The following SMYD3 variants were observed in gnomAD, a reference collection of about 807,000 sequenced individuals.
SMYD3 encodes SET and MYND domain containing 3.
A neutral mutation model predicts 57.7 loss-of-function variants in SMYD3; 36 were observed. That is an observed-to-expected ratio of 0.62 (90% CI 0.48 to 0.82). The LOEUF (loss-of-function observed/expected upper bound fraction) is 0.82, where lower values mean the gene tolerates loss of function less well. Ranked by LOEUF, SMYD3 falls within the 40% of genes least tolerant of loss-of-function variation. The pLI is 0.00. For synonymous variants in SMYD3, 211 were observed against 195.0 expected, an observed-to-expected ratio of 1.08 and a Z score of -0.68; for missense variants, 515 against 538.8, an observed-to-expected ratio of 0.96 and a Z score of 0.44.
Position 246,296,280 on chromosome 1 carries a change from T to C in SMYD3, c.531+30921A>G, listed in dbSNP as rs547430128. ...CTTGTTTCTACAACGATTCAAGAAA[T>C]GGTAACACTTGCCCCCACAACTTTA... On this transcript the variant is annotated intron_variant, in intron 5 of 11. Coordinates refer to ENST00000490107, the MANE Select transcript of SMYD3 (RefSeq NM_001167740.2). 2.8e-4 allele frequency among the ~76,000 whole-genome samples: 42 copies of C among 152,294 alleles called. 1 individual carries two copies. The highest frequency in any genetic ancestry group is 1.0e-3 in the African/African-American group (42 of 41,556).
At chr1:245,793,105 C>G (rs11583273) in intron 10 of SMYD3, among the ~76,000 whole-genome samples, 44,584 of 138,566 alleles carry the variant, frequency 0.32, 8,272 homozygotes, top group Middle Eastern at 0.48. Flanking sequence ...ATCAGGAGAT[C>G]AAGACCATCC....
At chr1:246,119,413 C>A (rs866015134) in intron 5 of SMYD3, among the ~76,000 whole-genome samples, 6 of 130,214 alleles carry the variant, frequency 4.6e-5, no homozygotes, top group Admixed American at 7.6e-5. Flanking sequence ...TTTGTTCTTT[C>A]TTTTTTTTTT....
At chr1:246,042,498 T>C (rs529710517) in intron 5 of SMYD3, among the ~76,000 whole-genome samples, 42 of 152,300 alleles carry the variant, frequency 2.8e-4, no homozygotes, top group African/African-American at 8.9e-4. Context: ...GTGGCACCGG[T>C]CTGCTCTTTG....
intron 8 of SMYD3, among the ~76,000 whole-genome samples, chr1:245,908,995 AACAAT>A (rs1267149494): frequency 1.3e-5 from 2 of 152,316 alleles, no homozygotes; most frequent in African/African-American, 4.8e-5. Context: ...GAGATTAAAG[AACAAT>A]ACAATACAAA....
chr1:246,153,093 T>G (rs989164553), intron 5 of SMYD3, among the ~76,000 whole-genome samples: 17 of 152,098 alleles, frequency 1.1e-4, no homozygotes, highest in Non-Finnish European at 2.2e-4. Context: ...CTCTCAAATT[T>G]CCAACTGTCT....
intron 5 of SMYD3, among the ~76,000 whole-genome samples, chr1:246,123,571 AACACACACAC>A (rs557543331): frequency 0.058 from 7,564 of 129,540 alleles, 239 homozygotes; most frequent in Non-Finnish European, 0.071. Flanking sequence ...TCCATCTCAA[AACACACACAC>A]ACACACACAC....
intron 1 of SMYD3, among the ~76,000 whole-genome samples, chr1:246,450,139 T>C (rs2103028281): frequency 6.6e-6 from 1 of 152,168 alleles, no homozygotes; most frequent in South Asian, 2.1e-4. Flanking sequence ...AATACAAAAT[T>C]AGCCGGGCGT....
Position 246,435,879 on chromosome 1 carries a change from T to C in SMYD3, c.164+71175A>G, listed in dbSNP as rs1385368480. On this transcript the variant is annotated intron_variant, in intron 1 of 11. Coordinates refer to ENST00000490107, the MANE Select transcript of SMYD3 (RefSeq NM_001167740.2). ...TTAATTAGAATGTCCCACGTGGCAT[T>C]TGAATTTCCCTCTATTAGAGTTTTT... is the stretch of plus-strand genomic sequence containing the variant. Among the ~76,000 whole-genome samples, 6 of 150,558 alleles carry C rather than the reference T, an allele frequency of 4.0e-5. No individual in the cohort carries two copies. In the South Asian group the frequency reaches 8.7e-4, roughly 22 times the overall value.
intron 10 of SMYD3, among the ~76,000 whole-genome samples, chr1:245,821,084 T>G (rs12078986): frequency 0.89 from 133,047 of 149,284 alleles, 61,350 homozygotes; most frequent in East Asian, 1. Flanking sequence ...AGCCTGCATC[T>G]CCAAGTCAAT....
At chr1:246,124,407 G>T (rs2061474126) in intron 5 of SMYD3, among the ~76,000 whole-genome samples, 3 of 152,014 alleles carry the variant, frequency 2.0e-5, no homozygotes, top group Non-Finnish European at 2.9e-5. Flanking sequence ...AGCTGTACGA[G>T]TTTTTTTTAA....
At chr1:246,180,940 A>G (rs2062541162) in intron 5 of SMYD3, among the ~76,000 whole-genome samples, 2 of 152,094 alleles carry the variant, frequency 1.3e-5, no homozygotes, top group African/African-American at 4.8e-5. Flanking sequence ...CGTGCTTTAA[A>G]AGCAACAAAA....
At chr1:246,232,177 T>A (rs559256447) in intron 5 of SMYD3, among the ~76,000 whole-genome samples, 1 of 150,278 alleles carries the variant, frequency 6.7e-6, no homozygotes, top group Non-Finnish European at 1.5e-5. Flanking sequence ...TGAAGCTTAC[T>A]CAGTGGTTAG....
chr1:245,974,437 A>C, intron 5 of SMYD3, among the ~76,000 whole-genome samples: 1 of 151,786 alleles, frequency 6.6e-6, no homozygotes, highest in Admixed American at 6.6e-5. Context: ...CATTTTTCCC[A>C]TCTCCTACAT....
chr1:246,222,116 A>G (rs1195429271), intron 5 of SMYD3, among the ~76,000 whole-genome samples: 2 of 152,178 alleles, frequency 1.3e-5, no homozygotes, highest in Non-Finnish European at 2.9e-5. Context: ...CAACCCAAAC[A>G]TAACTACAAG....
At position 246,212,622 on chromosome 1, in the gene SMYD3, T is replaced by C. The variant is rs142724603; in HGVS notation, c.531+114579A>G. On this transcript the variant is annotated intron_variant, in intron 5 of 11. Transcript: ENST00000490107. ...CAACAAATAAAATCTATCAGTCTCATTTGACTTCCTATTAACCGATCTGTT... is the reference window on the plus strand; with the variant it reads ...CAACAAATAAAATCTATCAGTCTCACTTGACTTCCTATTAACCGATCTGTT... Among the ~76,000 whole-genome samples, 828 of 152,266 alleles carry C rather than the reference T, an allele frequency of 5.4e-3. 4 individuals are homozygous for C. Among genetic ancestry groups the C allele is most frequent in the Non-Finnish European group, 6.8e-3 (460 of 68,030 alleles).
intron 1 of SMYD3, among the ~76,000 whole-genome samples, chr1:246,387,281 G>C (rs2066498953): frequency 6.6e-6 from 1 of 152,180 alleles, no homozygotes; most frequent in Non-Finnish European, 1.5e-5. Context: ...GGACAACTTA[G>C]TTAACTTTTC....
At position 245,868,980 on chromosome 1, in the gene SMYD3, A is replaced by C. The variant is rs573884854; in HGVS notation, c.814-5094T>G. On this transcript the variant is annotated intron_variant, in intron 8 of 11. Coordinates refer to ENST00000490107, the MANE Select transcript of SMYD3 (RefSeq NM_001167740.2). ...TAATTTGCAAATAGAAGAGTAAATT[A>C]CTGTTTTTTATCACAGTCCCTGAGG... 3.9e-5 allele frequency among the ~76,000 whole-genome samples: 6 copies of C among 152,340 alleles called. No individual in the cohort carries two copies. The East Asian group carries it at 1.2e-3, about 29-fold the overall frequency.
chr1:246,154,906 T>A (rs111971287), intron 5 of SMYD3, among the ~76,000 whole-genome samples: 2,077 of 152,028 alleles, frequency 0.014, 42 homozygotes, highest in African/African-American at 0.047. Flanking sequence ...CTCAGCTTCA[T>A]AAGAAGCTGG....
At chr1:245,816,993 C>A (rs983059525) in intron 10 of SMYD3, among the ~76,000 whole-genome samples, 3 of 151,576 alleles carry the variant, frequency 2.0e-5, no homozygotes, top group Non-Finnish European at 4.4e-5. Flanking sequence ...ATTGCCCAGG[C>A]TTGCTTAGGT....
Sources: allele counts gnomAD v4.1 joint callset (sites outside exome capture counted in the v4.1 genomes callset), GRCh38; gene constraint gnomAD v4.1.1; transcripts MANE v1.5; gene names NCBI Gene and HGNC (gene_info 2026-07-23, HGNC 2026-07-21).